Variants in KIF11 observed in about 807,000 individuals in gnomAD.
The protein encoded by KIF11 is kinesin-like protein KIF11.
KIF11 carries 9 observed loss-of-function variants against 121.0 expected under a neutral mutation model. The observed-to-expected ratio is 0.07, with a 90% CI of 0.04 to 0.13. KIF11 has a LOEUF of 0.13. KIF11 is among the 10% of genes least tolerant of loss of function. KIF11 has a pLI of 1.00. For missense variants in KIF11, 846 were observed against 1,217.5 expected, an observed-to-expected ratio of 0.69 and a Z score of 4.54; for synonymous variants, 408 against 421.0, an observed-to-expected ratio of 0.97 and a Z score of 0.38.
chr10:92,607,598 A>C (rs1844443232), intron 4 of KIF11, among the ~76,000 whole-genome samples: 1 of 152,150 alleles, frequency 6.6e-6, no homozygotes, highest in African/African-American at 2.4e-5. Flanking sequence ...TGGCCAGGGG[A>C]AGTATAGTAC....
At chr10:92,637,049 AAAAAG>A in intron 14 of KIF11, 130 bp from the exon 15 acceptor site, 2 of 748,520 alleles carry the variant, frequency 2.7e-6, no homozygotes, top group Non-Finnish European at 4.0e-6. Context: ...AAAAAAAAAA[AAAAAG>A]AATGGAGAAT....
Position 92,606,685 on chromosome 10 carries a change from G to A in KIF11, c.277G>A (p.Val93Ile), listed in dbSNP as rs2135900791. Residue 93 changes from valine to isoleucine, a missense_variant, in exon 3 of 22, where the codon GTT becomes ATT. By Grantham distance (29) the Val-to-Ile change is conservative. Around this residue, in one of 5 missense-constraint regions of KIF11, gnomAD observed 140 missense variants for 193.5 expected, o/e 0.72. Coordinates refer to ENST00000260731, the MANE Select transcript of KIF11 (RefSeq NM_004523.4). Reference sequence around the variant, plus strand: ...TGTTGTTTGTCCAATTCTGGATGAAGTTATTATGGGCTATAATTGCACTAT... The same window carrying A: ...TGTTGTTTGTCCAATTCTGGATGAAATTATTATGGGCTATAATTGCACTAT... The part of the protein sequence containing the change: ...RSVVCPILDE[V>I]IMGYNCTIFA... The A allele has an allele frequency of 6.4e-7, 1 of 1,572,856 alleles. No individual in the cohort carries two copies. The highest frequency in any genetic ancestry group is 8.8e-7 in the Non-Finnish European group (1 of 1,142,794).
At chr10:92,598,077 T>G (rs1340686042) in intron 1 of KIF11, among the ~76,000 whole-genome samples, 1 of 149,612 alleles carries the variant, frequency 6.7e-6, no homozygotes, top group African/African-American at 2.6e-5. Context: ...ATGCTGTCTT[T>G]TGATACACAA....
intron 1 of KIF11, among the ~76,000 whole-genome samples, chr10:92,603,186 A>G (rs1940997766): frequency 6.6e-6 from 1 of 151,474 alleles, no homozygotes; most frequent in African/African-American, 2.4e-5. Flanking sequence ...AGCATTCCCT[A>G]ACTACCCTAA....
In KIF11 at chr10:92,630,575, G is replaced by A. The variant is rs989979480; in HGVS notation, c.1494+211G>A. Among the ~76,000 whole-genome samples the A allele has an allele frequency of 2.6e-5, 4 of 152,168 alleles. No homozygotes were observed. The South Asian group carries it at 8.3e-4, about 32-fold the overall frequency. On this transcript the variant is annotated intron_variant, in intron 12 of 21. Transcript: ENST00000260731. ...TCCTGCTCCTGGAGTTTTGAAAATA[G>A]AACATAACTTAGCTGGGAGTGGTGG...
At position 92,597,641 on chromosome 10, in the gene KIF11, T is replaced by G. The variant is rs538975130; in HGVS notation, c.77+4189T>G. ...AAAGTCTTTTTTTTTCCCTTGGGTT[T>G]GTTTGTTTGTTTGTTTGTTTGTTTT... On this transcript the variant is annotated intron_variant, in intron 1 of 21. Transcript: ENST00000260731. Among the ~76,000 whole-genome samples the G allele has an allele frequency of 1.8e-3, 231 of 128,440 alleles. 1 individual carries two copies. The highest frequency in any genetic ancestry group is 8.8e-3 in the African/African-American group (221 of 25,244). 84.3% of individuals were successfully genotyped at this position (128,440 alleles called of 152,430 possible). A position where few individuals can be genotyped will look rare whatever the true frequency, so the allele number is the denominator to read the frequency against.
At position 92,609,295 on chromosome 10, in the gene KIF11, AGAGAGAGAGTGTGTGT is replaced by A. The variant is rs1379008536; in HGVS notation, c.574-88_574-73del. ...GAGAGAGAGAGAGAGAGAGAGAGAGAGAGAGAGAGTGTGTGTGTGTGTGTGTGTGTGTGTGTGTGTG... is the reference window on the plus strand; with the variant it reads ...GAGAGAGAGAGAGAGAGAGAGAGAGAGTGTGTGTGTGTGTGTGTGTGTGTG... On this transcript the variant is annotated intron_variant, in intron 5 of 21. Transcript: ENST00000260731. 5.1e-4 allele frequency: 504 copies of A among 988,578 alleles called. 1 individual carries two copies. The African/African-American group carries it at 9.9e-3, about 19-fold the overall frequency. The allele number at this position is 988,578 out of a possible 1,614,324, so 61.2% of individuals were successfully genotyped here.
chr10:92,644,886 AC>A (rs756217016), intron 17 of KIF11, among the ~76,000 whole-genome samples: 1 of 152,176 alleles, frequency 6.6e-6, no homozygotes, highest in Non-Finnish European at 1.5e-5. Flanking sequence ...AATTTGTCAC[AC>A]CCCAATATAA....
At chr10:92,622,966 T>C (rs1325247898) in intron 10 of KIF11, among the ~76,000 whole-genome samples, 4 of 152,208 alleles carry the variant, frequency 2.6e-5, no homozygotes, top group African/African-American at 9.7e-5. Flanking sequence ...TTCACTATCA[T>C]GAGAACAGCA....
intron 21 of KIF11, among the ~76,000 whole-genome samples, chr10:92,651,502 ATTTTGTTTTT>A (rs1844979545): frequency 4.6e-5 from 1 of 21,560 alleles, no homozygotes; most frequent in South Asian, 2.6e-3. Context: ...TGCCTGGCTA[ATTTTGTTTTT>A]TTTTTTTTTT....
At chr10:92,606,763 T>C in intron 3 of KIF11, 47 bp downstream of exon 3, 2 of 946,612 alleles carry the variant, frequency 2.1e-6, no homozygotes, top group Non-Finnish European at 3.4e-6. Context: ...GCTTAAATGC[T>C]TGTGTTTTTT....
Position 92,639,845 on chromosome 10 carries a change from G to A in KIF11, c.2212G>A (p.Glu738Lys), listed in dbSNP as rs1844846286. The A allele has an allele frequency of 1.2e-6, 2 of 1,611,942 alleles. No homozygotes were observed. Among genetic ancestry groups the A allele is most frequent in the African/African-American group, 1.3e-5 (1 of 74,964 alleles). Residue 738 changes from glutamate to lysine, a missense_variant, in exon 17 of 22, where the codon GAA becomes AAA. Physicochemically the swap from Glu to Lys is moderately conservative, Grantham distance 56. This residue lies in a region of KIF11 where 492 missense variants were observed against 603.4 expected (regional missense o/e 0.82). Transcript: ENST00000260731. ...LWTERFCALE[E>K]KCENIQKPLS... Reference sequence around the variant, plus strand: ...GACAGAGAGATTCTGTGCTTTGGAGGAAAAGTGTGAAAATATACAGAAACC... The same window carrying A: ...GACAGAGAGATTCTGTGCTTTGGAGAAAAAGTGTGAAAATATACAGAAACC...
intron 18 of KIF11, among the ~76,000 whole-genome samples, chr10:92,646,873 A>G (rs1844926177): frequency 6.6e-6 from 1 of 152,218 alleles, no homozygotes; most frequent in Admixed American, 6.5e-5. Flanking sequence ...AGGGTAATGA[A>G]GAAAAGTGTT....
At chr10:92,647,729 G>T (rs1256226039) in intron 18 of KIF11, among the ~76,000 whole-genome samples, 1 of 152,140 alleles carries the variant, frequency 6.6e-6, no homozygotes, top group African/African-American at 2.4e-5. Flanking sequence ...GTAAATGTCT[G>T]TACTCCACTT....
intron 17 of KIF11, among the ~76,000 whole-genome samples, chr10:92,644,044 C>T (rs1433894334): frequency 6.6e-6 from 1 of 152,120 alleles, no homozygotes; most frequent in African/African-American, 2.4e-5. Context: ...TAGGCCATTC[C>T]ATAGCCGTGG....
chr10:92,637,032 CAAAAAAAA>C (rs66987236), intron 14 of KIF11, 144 bp from the exon 15 acceptor site: 40 of 374,770 alleles, frequency 1.1e-4, no homozygotes, highest in Admixed American at 5.3e-4. Context: ...GACTCCGTCT[CAAAAAAAA>C]AAAAAAAAAA....
chr10:92,621,577 T>C, intron 10 of KIF11, 104 bp downstream of exon 10: 1 of 664,870 alleles, frequency 1.5e-6, no homozygotes, highest in South Asian at 1.8e-5. Flanking sequence ...TTATATCCAG[T>C]GCCGATAAAT....
Position 92,653,700 on chromosome 10 carries a change from A to T in KIF11, c.3075A>T (p.Arg1025Ser). The T allele has an allele frequency of 1.2e-6, 2 of 1,612,650 alleles. No homozygotes were observed. Among genetic ancestry groups the T allele is most frequent in the South Asian group, 1.1e-5 (1 of 90,900 alleles). ...CACATGGAAAAGACAAAGAAAACAG[A>T]GGCATTAACACACTGGAGAGGTCTA... ...KKSHGKDKEN[R>S]GINTLERSKV... The change falls in exon 22 of 22, where the codon AGA (arginine) becomes AGT (serine). Residue 1025 changes from arginine to serine, a missense_variant. Arg to Ser is a moderately radical substitution (Grantham distance 110). Transcript: ENST00000260731.
At chr10:92,602,527 A>T (rs1170159243) in intron 1 of KIF11, among the ~76,000 whole-genome samples, 2 of 152,022 alleles carry the variant, frequency 1.3e-5, no homozygotes, top group Admixed American at 1.3e-4. Flanking sequence ...CAGCTGGGTT[A>T]TCCGATTTGT....
Sources: gnomAD v4.1 joint callset for allele counts (sites outside exome capture counted in the v4.1 genomes callset) on GRCh38, gnomAD v4.1.1 for gene constraint, gnomAD v4.1.1 regional missense constraint, MANE v1.5 for transcripts, NCBI Gene and HGNC (gene_info 2026-07-23, HGNC 2026-07-21) for gene names.